GNAI1: variants seen among roughly 807,000 people sequenced by gnomAD.
GNAI1 encodes guanine nucleotide-binding protein G(i) subunit alpha-1.
In GNAI1, 11 loss-of-function variants were observed where a neutral mutation model predicts 38.9. That is an observed-to-expected ratio of 0.28 (90% CI 0.18 to 0.47). The LOEUF is 0.47. GNAI1 is among the 20% of genes least tolerant of loss of function. The probability of loss-of-function intolerance (pLI) is 0.99; values close to 1 mark genes in which losing one functional copy is unlikely to be tolerated. For synonymous variants in GNAI1, 166 were observed against 145.1 expected (o/e 1.14, Z -1.04); for missense variants, 317 against 436.9 (o/e 0.73, Z 2.45).
intron 1 of GNAI1, among the ~76,000 whole-genome samples, chr7:80,181,346 CA>C (rs1562834204): frequency 6.6e-6 from 1 of 152,104 alleles, no homozygotes; most frequent in African/African-American, 2.4e-5. Context: ...CTTATAAACA[CA>C]AACTCAAATA....
chr7:80,174,596 T>C (rs966329543), intron 1 of GNAI1, among the ~76,000 whole-genome samples: 2 of 152,014 alleles, frequency 1.3e-5, no homozygotes, highest in African/African-American at 4.8e-5. Context: ...GTTTTACTTT[T>C]TTTCTTCAAG....
At chr7:80,167,565 A>G (rs1161723363) in intron 1 of GNAI1, among the ~76,000 whole-genome samples, 1 of 152,222 alleles carries the variant, frequency 6.6e-6, no homozygotes, top group East Asian at 1.9e-4. Flanking sequence ...AAAAACCACT[A>G]TAATATGCCC....
At chr7:80,196,505 C>G (rs1014648672) in intron 3 of GNAI1, among the ~76,000 whole-genome samples, 1 of 151,958 alleles carries the variant, frequency 6.6e-6, no homozygotes, top group Non-Finnish European at 1.5e-5. Context: ...AGACCTCATT[C>G]CATGGCAAGA....
chr7:80,181,101 G>A (rs1368596905), intron 1 of GNAI1, among the ~76,000 whole-genome samples: 1 of 151,884 alleles, frequency 6.6e-6, no homozygotes, highest in Non-Finnish European at 1.5e-5. Context: ...TGTTTTGTAA[G>A]TTTTTATATA....
At chr7:80,156,044 A>C (rs966822795) in intron 1 of GNAI1, among the ~76,000 whole-genome samples, 1 of 144,980 alleles carries the variant, frequency 6.9e-6, no homozygotes, top group Non-Finnish European at 1.5e-5. Flanking sequence ...CTCTGTCTCA[A>C]AAAAAAAAAA....
intron 1 of GNAI1, among the ~76,000 whole-genome samples, chr7:80,163,318 T>C (rs2714460): frequency 0.44 from 66,864 of 152,020 alleles, 15,637 homozygotes; most frequent in African/African-American, 0.61. Flanking sequence ...TGTGGGTAGG[T>C]TCATACCTGT....
At chr7:80,160,618 A>T (rs562149709) in intron 1 of GNAI1, among the ~76,000 whole-genome samples, 132 of 152,292 alleles carry the variant, frequency 8.7e-4, no homozygotes, top group Middle Eastern at 6.8e-3. Context: ...TGCAAATCAA[A>T]TTCTTCATTT....
intron 1 of GNAI1, among the ~76,000 whole-genome samples, chr7:80,163,419 G>A (rs867414254): frequency 1.2e-4 from 19 of 152,238 alleles, no homozygotes; most frequent in African/African-American, 4.3e-4. Context: ...TCTGTTCGTA[G>A]TAGATTCTCC....
Position 80,220,728 on chromosome 7 carries a change from C to A in GNAI1, c.*3235C>A, listed in dbSNP as rs1263962170. On this transcript the variant is annotated 3_prime_UTR_variant, in exon 8 of 8. Transcript: ENST00000649796. Reference sequence around the variant, plus strand: ...TTGAATACTGACAGTAACTAGAGATCAAAAAAGGCTTAAAGAGGTTAATTA... The same window carrying A: ...TTGAATACTGACAGTAACTAGAGATAAAAAAAGGCTTAAAGAGGTTAATTA... Among the ~76,000 whole-genome samples the A allele has an allele frequency of 6.6e-6, 1 of 151,966 alleles. No homozygotes were observed. Among genetic ancestry groups the A allele is most frequent in the African/African-American group, 2.4e-5 (1 of 41,376 alleles).
intron 1 of GNAI1, among the ~76,000 whole-genome samples, chr7:80,157,852 A>G (rs1787846398): frequency 6.6e-6 from 1 of 152,002 alleles, no homozygotes; most frequent in Non-Finnish European, 1.5e-5. Flanking sequence ...GATTACAGAC[A>G]CTCACCAAAA....
At chr7:80,136,106 G>T in intron 1 of GNAI1, 1 of 912,490 alleles carries the variant, frequency 1.1e-6, no homozygotes, top group Non-Finnish European at 1.3e-6. Flanking sequence ...TCTTAGCACT[G>T]TTCTGTTCGT....
chr7:80,196,689 C>T (rs1217221869), intron 3 of GNAI1, among the ~76,000 whole-genome samples: 1 of 151,834 alleles, frequency 6.6e-6, no homozygotes. Context: ...ATAATTTCAG[C>T]AGTGTTTTCC....
At chr7:80,153,663 C>CT (rs1205508018) in intron 1 of GNAI1, among the ~76,000 whole-genome samples, 1 of 152,068 alleles carries the variant, frequency 6.6e-6, no homozygotes, top group Non-Finnish European at 1.5e-5. Flanking sequence ...CCCTAAAATA[C>CT]TTTTTTCCTG....
intron 1 of GNAI1, among the ~76,000 whole-genome samples, chr7:80,167,409 A>G (rs1249850309): frequency 6.6e-6 from 1 of 152,176 alleles, no homozygotes; most frequent in African/African-American, 2.4e-5. Flanking sequence ...GGCAAAGGAA[A>G]AGATTTTCGT....
rs185787457 is a variant in GNAI1, at chr7:80,136,114, C to T, written c.118+836C>T. The stretch of plus-strand genomic sequence containing the variant: ...TATTTGTTCTTAGCACTGTTCTGTT[C>T]GTGAAACGCTACGTGGAGGTCTTTT... On this transcript the variant is annotated intron_variant, in intron 1 of 7. Coordinates refer to ENST00000649796, the MANE Select transcript of GNAI1 (RefSeq NM_002069.6). 2,314 of 858,114 alleles carry T rather than the reference C, an allele frequency of 2.7e-3. 9 individuals carry two copies. The highest frequency in any genetic ancestry group is 3.0e-3 in the Non-Finnish European group (2,150 of 713,756). 53.2% of individuals were successfully genotyped at this position (858,114 alleles called of 1,614,324 possible).
Position 80,220,914 on chromosome 7 carries a change from G to C in GNAI1, c.*3421G>C, listed in dbSNP as rs1053552194. 2.0e-5 allele frequency among the ~76,000 whole-genome samples: 3 copies of C among 152,076 alleles called. No individual in the cohort carries two copies. Among genetic ancestry groups the C allele is most frequent in the Non-Finnish European group, 4.4e-5 (3 of 68,008 alleles). On this transcript the variant is annotated 3_prime_UTR_variant, in exon 8 of 8. Coordinates refer to ENST00000649796, the MANE Select transcript of GNAI1 (RefSeq NM_002069.6). ...TCCTCTGAGCCATAATAGTTTTTCA[G>C]ATTTAAAAAAGGAGATACTTATTAA...
At chr7:80,153,954 A>G (rs1787772460) in intron 1 of GNAI1, among the ~76,000 whole-genome samples, 1 of 152,118 alleles carries the variant, frequency 6.6e-6, no homozygotes, top group African/African-American at 2.4e-5. Flanking sequence ...AGACAGCCTC[A>G]TTCTGTCACC....
chr7:80,207,901 C>T (rs1409693138), intron 5 of GNAI1, among the ~76,000 whole-genome samples: 1 of 152,096 alleles, frequency 6.6e-6, no homozygotes, highest in Non-Finnish European at 1.5e-5. Flanking sequence ...AAAGAATCAG[C>T]AACTGTGTTT....
chr7:80,198,083 G>T (rs932311255), intron 3 of GNAI1, among the ~76,000 whole-genome samples: 31 of 146,232 alleles, frequency 2.1e-4, no homozygotes, highest in African/African-American at 7.0e-4. Flanking sequence ...TTATTGTTTT[G>T]TTTTTTTTTT....
Sources: allele counts gnomAD v4.1 joint callset (sites outside exome capture counted in the v4.1 genomes callset), GRCh38; gene constraint gnomAD v4.1.1; transcripts MANE v1.5; gene names NCBI Gene and HGNC (gene_info 2026-07-23, HGNC 2026-07-21).